The following GABBR2 variants were observed in gnomAD, a reference collection of about 807,000 sequenced individuals.
GABBR2 encodes the protein gamma-aminobutyric acid type B receptor subunit 2, also known as G-protein coupled receptor 51.
A neutral mutation model predicts 105.6 loss-of-function variants in GABBR2; 23 were observed. The ratio of observed to expected loss-of-function variants is 0.22; its 90% confidence interval spans 0.16 to 0.31. The LOEUF (loss-of-function observed/expected upper bound fraction) is 0.31, where lower values mean the gene tolerates loss of function less well. GABBR2 is among the 10% of genes least tolerant of loss of function. The pLI is 1.00. For missense variants in GABBR2, 734 were observed against 1,245.5 expected, an observed-to-expected ratio of 0.59 and a Z score of 6.18; for synonymous variants, 478 against 499.7, an observed-to-expected ratio of 0.96 and a Z score of 0.58.
At chr9:98,481,478 A>G (rs1325591187) in intron 4 of GABBR2, among the ~76,000 whole-genome samples, 1 of 152,214 alleles carries the variant, frequency 6.6e-6, no homozygotes, top group East Asian at 1.9e-4. Flanking sequence ...GCTGCCCTGC[A>G]CAGTGTTCTA....
At chr9:98,326,198 T>C (rs1196247998) in intron 13 of GABBR2, among the ~76,000 whole-genome samples, 4 of 152,366 alleles carry the variant, frequency 2.6e-5, no homozygotes, top group African/African-American at 9.6e-5. Context: ...GTTGAAGTTG[T>C]ACATTTTTTT....
intron 12 of GABBR2, among the ~76,000 whole-genome samples, chr9:98,369,323 G>A (rs1227943140): frequency 2.6e-5 from 4 of 152,158 alleles, no homozygotes; most frequent in Non-Finnish European, 4.4e-5. Context: ...GGGGCAGGGG[G>A]CAGAGAACAG....
chr9:98,578,690 C>T (rs189153444), intron 1 of GABBR2, among the ~76,000 whole-genome samples: 1 of 152,250 alleles, frequency 6.6e-6, no homozygotes, highest in Non-Finnish European at 1.5e-5. Context: ...TCATGATAGC[C>T]AACAGATGGA....
rs780498203 is a variant in GABBR2 at position 98,473,129 on chromosome 9, G to C, written c.999+17C>G. ...GGAGGTGGGCCAGAAGGTTGAAATG[G>C]GGACCAAGGCACTGACCTTTCCTGA... On this transcript the variant is annotated intron_variant, in intron 6 of 18. Transcript: ENST00000259455. 4 of 1,598,250 alleles carry C rather than the reference G, an allele frequency of 2.5e-6. No homozygotes were observed. Among genetic ancestry groups the C allele is most frequent in the East Asian group, 4.5e-5 (2 of 44,720 alleles).
intron 8 of GABBR2, among the ~76,000 whole-genome samples, chr9:98,403,570 G>A (rs1832436449): frequency 6.6e-6 from 1 of 151,974 alleles, no homozygotes; most frequent in Non-Finnish European, 1.5e-5. Context: ...CATCGCTAAG[G>A]CCCTGCCTTG....
At chr9:98,703,979 T>C (rs928619695) in intron 1 of GABBR2, among the ~76,000 whole-genome samples, 2 of 152,072 alleles carry the variant, frequency 1.3e-5, no homozygotes, top group African/African-American at 4.8e-5. Flanking sequence ...TATAATTCCA[T>C]GGTTTTTAGT....
intron 1 of GABBR2, among the ~76,000 whole-genome samples, chr9:98,606,483 CTTTTTTTTTT>C (rs11452013): frequency 1.5e-5 from 2 of 130,518 alleles, no homozygotes; most frequent in East Asian, 2.3e-4. Flanking sequence ...TTTTTTTTTT[CTTTTTTTTTT>C]TTTTTGAGAT....
At chr9:98,444,837 G>A (rs144070516) in intron 7 of GABBR2, among the ~76,000 whole-genome samples, 85 of 151,580 alleles carry the variant, frequency 5.6e-4, no homozygotes, top group African/African-American at 2.0e-3. Flanking sequence ...TTCCTCCAAC[G>A]CATGCGTGCA....
At chr9:98,667,890 A>G (rs953739123) in intron 1 of GABBR2, among the ~76,000 whole-genome samples, 2 of 152,324 alleles carry the variant, frequency 1.3e-5, no homozygotes, top group Admixed American at 1.3e-4. Flanking sequence ...GCTGCTAGGA[A>G]TATCAGCTGC....
intron 13 of GABBR2, among the ~76,000 whole-genome samples, chr9:98,319,880 A>G (rs1830788618): frequency 6.6e-6 from 1 of 152,162 alleles, no homozygotes; most frequent in Non-Finnish European, 1.5e-5. Context: ...AAATTCAGTA[A>G]TCTTACTAGG....
intron 13 of GABBR2, among the ~76,000 whole-genome samples, chr9:98,354,140 A>T (rs199899982): frequency 8.5e-5 from 13 of 152,314 alleles, no homozygotes; most frequent in East Asian, 5.8e-4. Flanking sequence ...TTAATTAATT[A>T]ATTTATTTCT....
chr9:98,356,206 T>C (rs529923616), intron 13 of GABBR2, among the ~76,000 whole-genome samples: 1 of 152,306 alleles, frequency 6.6e-6, no homozygotes, highest in East Asian at 1.9e-4. Flanking sequence ...TCATTAAAAT[T>C]TAAAACTCCT....
chr9:98,367,188 T>TG (rs61077795), intron 12 of GABBR2, among the ~76,000 whole-genome samples: 71,926 of 148,480 alleles, frequency 0.48, 20,180 homozygotes, highest in African/African-American at 0.79. Flanking sequence ...CCATCATGGA[T>TG]GAGGGAGGAG....
intron 11 of GABBR2, among the ~76,000 whole-genome samples, chr9:98,372,750 C>T (rs542435466): frequency 3.7e-4 from 57 of 152,292 alleles, no homozygotes; most frequent in African/African-American, 1.3e-3. Context: ...CCTGCCTTTC[C>T]GGCAACTTGA....
chr9:98,542,814 C>T (rs976488146), intron 2 of GABBR2, among the ~76,000 whole-genome samples: 6 of 152,156 alleles, frequency 3.9e-5, no homozygotes, highest in Non-Finnish European at 7.4e-5. Context: ...TGAATCATAT[C>T]GCATTCATGG....
At chr9:98,296,142 C>T (rs1408579955) in intron 17 of GABBR2, among the ~76,000 whole-genome samples, 4 of 152,172 alleles carry the variant, frequency 2.6e-5, no homozygotes, top group Non-Finnish European at 5.9e-5. Flanking sequence ...GTAATTAAGT[C>T]GTGAAGGCGG....
intron 3 of GABBR2, among the ~76,000 whole-genome samples, 156 bp from the exon 4 acceptor site, chr9:98,496,670 C>T (rs1053988464): frequency 6.6e-6 from 1 of 152,072 alleles, no homozygotes; most frequent in South Asian, 2.1e-4. Context: ...ACTAGACCGC[C>T]CCACAAAAAC....
At chr9:98,496,385 C>A in intron 4 of GABBR2, 28 bp downstream of exon 4, 1 of 1,375,626 alleles carries the variant, frequency 7.3e-7, no homozygotes, top group South Asian at 1.2e-5. Flanking sequence ...ATCAGTCTGC[C>A]ATTCACCCTG....
At chr9:98,433,283 C>T (rs916997453) in intron 7 of GABBR2, among the ~76,000 whole-genome samples, 1 of 152,272 alleles carries the variant, frequency 6.6e-6, no homozygotes, top group Admixed American at 6.5e-5. Context: ...ATCCTGCATG[C>T]TTGAGAGAGA....
Sources: allele counts gnomAD v4.1 joint callset (sites outside exome capture counted in the v4.1 genomes callset), GRCh38; gene constraint gnomAD v4.1.1; transcripts MANE v1.5; gene names NCBI Gene and HGNC (gene_info 2026-07-23, HGNC 2026-07-21).